Variants in RBFOX1 observed in about 807,000 individuals in gnomAD.
The protein encoded by RBFOX1 is RNA binding fox-1 homolog 1.
A neutral mutation model predicts 57.7 loss-of-function variants in RBFOX1; 8 were observed. That is an observed-to-expected ratio of 0.14 (90% CI 0.08 to 0.25). The LOEUF is 0.25. RBFOX1 is among the 10% of genes least tolerant of loss of function. RBFOX1 has a pLI of 1.00. For synonymous variants in RBFOX1, 326 were observed against 222.4 expected, an observed-to-expected ratio of 1.47 and a Z score of -4.15; for missense variants, 611 against 548.5, an observed-to-expected ratio of 1.11 and a Z score of -1.14.
chr16:7,339,593 C>A (rs934459015), intron 4 of RBFOX1, among the ~76,000 whole-genome samples: 1 of 152,096 alleles, frequency 6.6e-6, no homozygotes, highest in East Asian at 1.9e-4. Context: ...GCATGCACCA[C>A]CACAACCAGC....
intron 2 of RBFOX1, among the ~76,000 whole-genome samples, chr16:6,367,813 A>G (rs543749079): frequency 8.3e-4 from 127 of 152,144 alleles, no homozygotes; most frequent in African/African-American, 2.9e-3. Context: ...TCAAAGAGTC[A>G]GAAAGACTCT....
intron 3 of RBFOX1, among the ~76,000 whole-genome samples, chr16:5,736,116 A>T (rs577007523): frequency 6.8e-4 from 103 of 152,120 alleles, no homozygotes; most frequent in Non-Finnish European, 1.2e-3. Flanking sequence ...GGCTGCGATG[A>T]TGACGGCGGG....
chr16:6,272,590 T>C (rs1032524104), intron 1 of RBFOX1, among the ~76,000 whole-genome samples: 5 of 152,172 alleles, frequency 3.3e-5, no homozygotes, highest in Admixed American at 2.6e-4. Flanking sequence ...AACACTATTC[T>C]AAAATATAAA....
chr16:5,717,446 C>T (rs1317424249), intron 3 of RBFOX1, among the ~76,000 whole-genome samples: 2 of 152,050 alleles, frequency 1.3e-5, no homozygotes, highest in South Asian at 4.1e-4. Flanking sequence ...TTTTGGTGCA[C>T]CCATCACCCA....
At chr16:6,886,916 G>A (rs749667352) in intron 3 of RBFOX1, among the ~76,000 whole-genome samples, 4 of 152,244 alleles carry the variant, frequency 2.6e-5, no homozygotes, top group African/African-American at 9.6e-5. Flanking sequence ...ATGAGGTCAG[G>A]TGTCTGTGGA....
chr16:5,450,587 G>C (rs573112748), intron 1 of RBFOX1, among the ~76,000 whole-genome samples: 12 of 152,178 alleles, frequency 7.9e-5, no homozygotes, highest in Admixed American at 2.0e-4. Flanking sequence ...GGAGTGTACT[G>C]TTTTGCTTGG....
chr16:6,001,223 A>C (rs989739757), intron 4 of RBFOX1, among the ~76,000 whole-genome samples: 1 of 152,204 alleles, frequency 6.6e-6, no homozygotes, highest in South Asian at 2.1e-4. Context: ...ATTAGCCTGG[A>C]GCTCTCCAGT....
At chr16:5,570,140 C>T (rs914485959) in intron 2 of RBFOX1, among the ~76,000 whole-genome samples, 2 of 152,110 alleles carry the variant, frequency 1.3e-5, no homozygotes, top group Non-Finnish European at 2.9e-5. Flanking sequence ...ACCAAATATT[C>T]GGAGGTTTAT....
intron 1 of RBFOX1, among the ~76,000 whole-genome samples, chr16:6,244,000 G>C (rs769115134): frequency 2.0e-5 from 3 of 152,070 alleles, no homozygotes; most frequent in Non-Finnish European, 2.9e-5. Context: ...AGTTTTAGTT[G>C]GATTTTCTTG....
At chr16:6,544,001 C>G (rs994546743) in intron 2 of RBFOX1, among the ~76,000 whole-genome samples, 1 of 152,220 alleles carries the variant, frequency 6.6e-6, no homozygotes, top group Non-Finnish European at 1.5e-5. Context: ...AGCACCTTGT[C>G]TCTGGTTTCT....
At chr16:6,178,905 C>G (rs1379035983) in intron 1 of RBFOX1, among the ~76,000 whole-genome samples, 1 of 152,182 alleles carries the variant, frequency 6.6e-6, no homozygotes, top group Non-Finnish European at 1.5e-5. Context: ...GCTGAATACT[C>G]TCATATAAGG....
chr16:7,014,443 T>C (rs944483645), intron 3 of RBFOX1, among the ~76,000 whole-genome samples: 1 of 151,866 alleles, frequency 6.6e-6, no homozygotes, highest in African/African-American at 2.4e-5. Context: ...GGTGGGGTTT[T>C]ACCATGTTGG....
intron 3 of RBFOX1, among the ~76,000 whole-genome samples, chr16:6,694,217 A>G (rs569177984): frequency 6.6e-6 from 1 of 152,264 alleles, no homozygotes; most frequent in South Asian, 2.1e-4. Flanking sequence ...GCATATTGTC[A>G]GTATTCCACC....
intron 4 of RBFOX1, among the ~76,000 whole-genome samples, chr16:5,978,569 A>G (rs759984339): frequency 3.0e-4 from 45 of 152,264 alleles, no homozygotes; most frequent in Non-Finnish European, 6.2e-4. Context: ...TTTCTATTCC[A>G]AATCCAAGTC....
chr16:5,983,049 C>T (rs532308600), intron 4 of RBFOX1, among the ~76,000 whole-genome samples: 8 of 152,298 alleles, frequency 5.3e-5, no homozygotes, highest in South Asian at 2.1e-4. Flanking sequence ...GTCATCCCAG[C>T]GCTGATGTCT....
At chr16:6,331,773 A>AG (rs1396356874) in intron 2 of RBFOX1, among the ~76,000 whole-genome samples, 1 of 149,440 alleles carries the variant, frequency 6.7e-6, no homozygotes, top group African/African-American at 2.5e-5. Flanking sequence ...CCTTTTTTTA[A>AG]AAAAAAAAAT....
At chr16:5,278,792 T>C (rs2063202265) in intron 1 of RBFOX1, among the ~76,000 whole-genome samples, 1 of 152,252 alleles carries the variant, frequency 6.6e-6, no homozygotes, top group African/African-American at 2.4e-5. Context: ...GGTCTAGTTT[T>C]ATTCTTCTGT....
At chr16:7,525,101 G>A (rs1380593246) in intron 5 of RBFOX1, among the ~76,000 whole-genome samples, 2 of 152,126 alleles carry the variant, frequency 1.3e-5, no homozygotes, top group African/African-American at 4.8e-5. Flanking sequence ...GCATATGCCT[G>A]CTTGTCCTCT....
At chr16:6,936,424 A>C (rs2077370751) in intron 3 of RBFOX1, among the ~76,000 whole-genome samples, 1 of 152,168 alleles carries the variant, frequency 6.6e-6, no homozygotes, top group Admixed American at 6.5e-5. Context: ...GATAACACCT[A>C]ATTGGATGCA....
Sources: gnomAD v4.1 joint callset for allele counts (sites outside exome capture counted in the v4.1 genomes callset) on GRCh38, gnomAD v4.1.1 for gene constraint, MANE v1.5 for transcripts, NCBI Gene and HGNC (gene_info 2026-07-23, HGNC 2026-07-21) for gene names.